The following PLSCR1 variants were observed in gnomAD, a reference collection of about 807,000 sequenced individuals.
PLSCR1 encodes phospholipid scramblase 1, also known as PL scramblase 1.
PLSCR1 carries 17 observed loss-of-function variants against 37.8 expected under a neutral mutation model. That is an observed-to-expected ratio of 0.45 (90% confidence interval 0.31 to 0.68). The LOEUF is 0.68. Ranked by LOEUF, PLSCR1 falls within the 30% of genes least tolerant of loss-of-function variation. PLSCR1 has a pLI of 0.06. For missense variants in PLSCR1, 347 were observed against 380.9 expected (o/e 0.91, Z 0.74); for synonymous variants, 116 against 125.9 (o/e 0.92, Z 0.53).
chr3:146,536,121 CAT>C (rs957316124), intron 2 of PLSCR1, among the ~76,000 whole-genome samples: 4 of 152,172 alleles, frequency 2.6e-5, no homozygotes, highest in East Asian at 3.9e-4. Context: ...AAAATACAAA[CAT>C]GTGTCTGTGA....
rs2043934872 is a variant in PLSCR1, at chr3:146,515,536, T to C, written c.*509A>G. 2 of 152,072 alleles carry C rather than the reference T, an allele frequency of 1.3e-5. No homozygotes were observed. The highest frequency in any genetic ancestry group is 2.1e-4 in the South Asian group (1 of 4,802). 9.4% of individuals were successfully genotyped at this position (152,072 alleles called of 1,614,324 possible). Reference sequence around the variant, plus strand: ...CTAGGAGAAGTTAAGTGTAGCATGATTTCTTGAAGATTAAAAAAACATTTA... The same window carrying C: ...CTAGGAGAAGTTAAGTGTAGCATGACTTCTTGAAGATTAAAAAAACATTTA... On this transcript the variant is annotated 3_prime_UTR_variant, in exon 9 of 9. Transcript: ENST00000342435.
chr3:146,527,613 A>G (rs2044136118), intron 4 of PLSCR1, among the ~76,000 whole-genome samples: 1 of 152,184 alleles, frequency 6.6e-6, no homozygotes, highest in Non-Finnish European at 1.5e-5. Flanking sequence ...AACCTTTGTC[A>G]TATGTGATAA....
At chr3:146,525,001 C>T (rs559662672) in intron 5 of PLSCR1, among the ~76,000 whole-genome samples, 3 of 152,256 alleles carry the variant, frequency 2.0e-5, no homozygotes, top group Admixed American at 2.0e-4. Flanking sequence ...TAATTGGCTT[C>T]CTAGGTTTAT....
At chr3:146,540,166 T>C (rs1198948208) in intron 1 of PLSCR1, among the ~76,000 whole-genome samples, 1 of 152,194 alleles carries the variant, frequency 6.6e-6, no homozygotes, top group African/African-American at 2.4e-5. Context: ...CCAAAAAATG[T>C]AATAAAGTTA....
At chr3:146,539,724 C>T (rs2044312437) in intron 1 of PLSCR1, among the ~76,000 whole-genome samples, 1 of 152,204 alleles carries the variant, frequency 6.6e-6, no homozygotes, top group African/African-American at 2.4e-5. Flanking sequence ...ATGAGACTTA[C>T]TGGCAAAACT....
chr3:146,520,512 T>A (rs927696369), intron 7 of PLSCR1, among the ~76,000 whole-genome samples: 1 of 152,168 alleles, frequency 6.6e-6, no homozygotes, highest in African/African-American at 2.4e-5. Flanking sequence ...ACACATTATA[T>A]AATCCCCTTA....
At chr3:146,528,481 TTAGAG>T in intron 4 of PLSCR1, 128 bp downstream of exon 4, 1 of 713,488 alleles carries the variant, frequency 1.4e-6, no homozygotes, top group Non-Finnish European at 2.4e-6. Context: ...CCTAGAAGAA[TTAGAG>T]TAATCTGTTA....
chr3:146,541,792 A>C (rs528587148), intron 1 of PLSCR1, among the ~76,000 whole-genome samples: 5 of 152,360 alleles, frequency 3.3e-5, no homozygotes, highest in African/African-American at 7.2e-5. Flanking sequence ...GCCTAATAAA[A>C]TATGATTAGT....
At chr3:146,542,294 C>T (rs2044347171) in intron 1 of PLSCR1, among the ~76,000 whole-genome samples, 1 of 152,116 alleles carries the variant, frequency 6.6e-6, no homozygotes, top group Non-Finnish European at 1.5e-5. Flanking sequence ...CCAACCCACT[C>T]ACCCACACGT....
chr3:146,516,997 C>G lies in PLSCR1; in HGVS notation c.900+9G>C, dbSNP rs201000283. On this transcript the variant is annotated intron_variant, in intron 8 of 8. Coordinates refer to ENST00000342435, the MANE Select transcript of PLSCR1 (RefSeq NM_021105.3). ...CATCTATAATCAAGATTAATAAGAA[C>G]AGACTTACAATGAGGAAACAGGCAC... 1 of 1,538,184 alleles carries G rather than the reference C, an allele frequency of 6.5e-7. No homozygotes were observed. The highest frequency in any genetic ancestry group is 2.4e-5 in the East Asian group (1 of 42,120).
In PLSCR1 at chr3:146,539,233, T is replaced by C. The variant is rs539971109; in HGVS notation, c.-13-2668A>G. ...TCTCATAAGGAGTGCGCAACCTAGA[T>C]CCCTCACACATGCAGTTCACAATAG... On this transcript the variant is annotated intron_variant, in intron 1 of 8. Transcript: ENST00000342435. 2.0e-5 allele frequency among the ~76,000 whole-genome samples: 3 copies of C among 152,218 alleles called. No homozygotes were observed. In the East Asian group the frequency reaches 5.8e-4, roughly 29 times the overall value.
At chr3:146,537,340 C>T (rs2108665847) in intron 1 of PLSCR1, among the ~76,000 whole-genome samples, 1 of 152,262 alleles carries the variant, frequency 6.6e-6, no homozygotes, top group African/African-American at 2.4e-5. Flanking sequence ...TCCCGATGCC[C>T]TTCATCCCTT....
chr3:146,521,477 G>C, intron 7 of PLSCR1, 67 bp downstream of exon 7: 2 of 1,336,854 alleles, frequency 1.5e-6, no homozygotes, highest in South Asian at 1.3e-5. Flanking sequence ...CATTTATAAT[G>C]TCCTGCAAAA....
At chr3:146,521,766 G>A (rs1209147297) in intron 6 of PLSCR1, 61 bp from the exon 7 acceptor site, 2 of 1,574,042 alleles carry the variant, frequency 1.3e-6, no homozygotes, top group Admixed American at 3.4e-5. Context: ...TCGATGAAAG[G>A]TTCAATGACA....
At position 146,521,826 on chromosome 3, in the gene PLSCR1, C is replaced by T; in HGVS notation, c.576+7G>A. 6.2e-7 allele frequency: 1 copy of T among 1,607,588 alleles called. No homozygotes were observed. Among genetic ancestry groups the T allele is most frequent in the Non-Finnish European group, 8.5e-7 (1 of 1,174,696 alleles). On this transcript the variant is annotated splice_region_variant and intron_variant, in intron 6 of 8. Transcript: ENST00000342435. ...TTTACAAAGTGCCCTGGTAATTGATCACAGACCTCCTGAAGGCAGCAGGGA... is the reference window on the plus strand; with the variant it reads ...TTTACAAAGTGCCCTGGTAATTGATTACAGACCTCCTGAAGGCAGCAGGGA...
In PLSCR1 at chr3:146,521,884, C is replaced by T. The variant is rs1442201988; in HGVS notation, c.525G>A (p.Leu175=). 1 of 1,614,030 alleles carries T rather than the reference C, an allele frequency of 6.2e-7. No individual in the cohort carries two copies. Among genetic ancestry groups the T allele is most frequent in the African/African-American group, 1.3e-5 (1 of 75,032 alleles). The change falls in exon 6 of 9, where the codon CTG becomes CTA. Residue 175 remains leucine, a synonymous_variant. Transcript: ENST00000342435. ...IDNMGQEVIT[L]ERPLRCSSCC... ...AGCTGCTACATCTTAGTGGTCTCTCCAGAGTTATGACTTCTTGACCCATAT... is the reference window on the plus strand; with the variant it reads ...AGCTGCTACATCTTAGTGGTCTCTCTAGAGTTATGACTTCTTGACCCATAT...
At chr3:146,517,854 T>A (rs1176584942) in intron 7 of PLSCR1, among the ~76,000 whole-genome samples, 1 of 152,168 alleles carries the variant, frequency 6.6e-6, no homozygotes, top group Non-Finnish European at 1.5e-5. Context: ...TAGGGTTGAA[T>A]GGACTTTGCT....
intron 7 of PLSCR1, 105 bp from the exon 8 acceptor site, chr3:146,517,272 C>T (rs1342338369): frequency 1.6e-5 from 9 of 567,200 alleles, no homozygotes; most frequent in Non-Finnish European, 2.7e-5. Context: ...AATTATGCAC[C>T]ATATGTAACC....
intron 1 of PLSCR1, among the ~76,000 whole-genome samples, chr3:146,540,034 T>C (rs1290079711): frequency 6.6e-6 from 1 of 152,228 alleles, no homozygotes; most frequent in Non-Finnish European, 1.5e-5. Flanking sequence ...GGGTGTGCCC[T>C]GAATGAATTA....
Sources: allele counts gnomAD v4.1 joint callset (sites outside exome capture counted in the v4.1 genomes callset), GRCh38; gene constraint gnomAD v4.1.1; transcripts MANE v1.5; gene names NCBI Gene and HGNC (gene_info 2026-07-23, HGNC 2026-07-21).